Variants in PSTPIP2 observed in about 807,000 individuals in gnomAD.
PSTPIP2 encodes proline-serine-threonine phosphatase interacting protein 2.
Under a neutral mutation model 63.3 loss-of-function variants are expected in PSTPIP2, and 33 were observed. That is an observed-to-expected ratio of 0.52 (90% CI 0.40 to 0.70). The LOEUF (loss-of-function observed/expected upper bound fraction) is 0.70, where lower values mean the gene tolerates loss of function less well. PSTPIP2 is among the 30% of genes least tolerant of loss of function. PSTPIP2 has a pLI of 0.00. For synonymous variants in PSTPIP2, 125 were observed against 132.7 expected (o/e 0.94, Z 0.40); for missense variants, 312 against 400.7 (o/e 0.78, Z 1.89).
chr18:45,991,383 C>T (rs1434214649), intron 12 of PSTPIP2, among the ~76,000 whole-genome samples: 1 of 152,204 alleles, frequency 6.6e-6, no homozygotes, highest in African/African-American at 2.4e-5. Context: ...TCTCTTGCAA[C>T]TCTACTCAAC....
At chr18:46,028,458 C>T in intron 2 of PSTPIP2, 3 of 592,216 alleles carry the variant, frequency 5.1e-6, no homozygotes, top group Non-Finnish European at 9.8e-6. Context: ...AGAAGACAAA[C>T]CGGCCGTGGA....
chr18:46,054,258 C>T (rs1165370299), intron 1 of PSTPIP2, among the ~76,000 whole-genome samples: 3 of 152,120 alleles, frequency 2.0e-5, no homozygotes, highest in Non-Finnish European at 2.9e-5. Flanking sequence ...TTGACCAAAA[C>T]GTCATTATGT....
At chr18:46,038,952 C>T (rs1908087686) in intron 2 of PSTPIP2, among the ~76,000 whole-genome samples, 2 of 152,232 alleles carry the variant, frequency 1.3e-5, no homozygotes, top group Admixed American at 1.3e-4. Context: ...GCCTGACCAA[C>T]ATGGAGAAAC....
chr18:46,041,770 T>C (rs1190555617), intron 1 of PSTPIP2, among the ~76,000 whole-genome samples: 2 of 152,118 alleles, frequency 1.3e-5, no homozygotes, highest in African/African-American at 4.8e-5. Flanking sequence ...GGTTGTCTGA[T>C]TCAGACTATA....
At position 46,023,208 on chromosome 18, in the gene PSTPIP2, TC is replaced by T. The variant is rs569048419; in HGVS notation, c.212+1400del. Among the ~76,000 whole-genome samples, 3 of 152,170 alleles carry T rather than the reference TC, an allele frequency of 2.0e-5. No individual in the cohort carries two copies. The South Asian group carries it at 6.2e-4, about 32-fold the overall frequency. ...GCGATGAAATAATATGTACAACAAA[TC>T]CCCATAACACATGTTTACCTATATA... On this transcript the variant is annotated intron_variant, in intron 3 of 14. Transcript: ENST00000409746.
At chr18:45,985,533 A>T in intron 14 of PSTPIP2, 83 bp from the exon 15 acceptor site, 3 of 1,456,250 alleles carry the variant, frequency 2.1e-6, no homozygotes, top group Non-Finnish European at 2.9e-6. Context: ...ATATTCAACA[A>T]GAATAAGGGT....
At chr18:46,060,957 G>T (rs2144131846) in intron 1 of PSTPIP2, among the ~76,000 whole-genome samples, 1 of 152,284 alleles carries the variant, frequency 6.6e-6, no homozygotes, top group Admixed American at 6.5e-5. Context: ...AGATGAAATG[G>T]TCAGTGGTTG....
At chr18:46,059,412 C>G (rs547022439) in intron 1 of PSTPIP2, among the ~76,000 whole-genome samples, 2 of 152,032 alleles carry the variant, frequency 1.3e-5, no homozygotes, top group African/African-American at 2.4e-5. Flanking sequence ...CCACGCCCAG[C>G]TAACTTTTGT....
At chr18:45,996,790 T>A (rs2051599914) in intron 9 of PSTPIP2, among the ~76,000 whole-genome samples, 1 of 151,800 alleles carries the variant, frequency 6.6e-6, no homozygotes, top group East Asian at 1.9e-4. Context: ...AAATAATAAA[T>A]AATTAACAAG....
intron 1 of PSTPIP2, among the ~76,000 whole-genome samples, chr18:46,064,515 G>A (rs1370247955): frequency 1.3e-4 from 18 of 142,454 alleles, no homozygotes; most frequent in African/African-American, 3.9e-4. Flanking sequence ...GACCAGCCTG[G>A]TCTCCAACTC....
intron 5 of PSTPIP2, among the ~76,000 whole-genome samples, chr18:46,009,541 G>A (rs2051772951): frequency 6.6e-6 from 1 of 152,166 alleles, no homozygotes; most frequent in African/African-American, 2.4e-5. Flanking sequence ...CTTAGAGGGT[G>A]GCAGGGGACT....
At chr18:45,991,832 C>T (rs1458054615) in intron 12 of PSTPIP2, 70 bp downstream of exon 12, 1 of 1,409,816 alleles carries the variant, frequency 7.1e-7, no homozygotes, top group African/African-American at 1.4e-5. Flanking sequence ...TCTAACATGT[C>T]TTAGAACATT....
intron 6 of PSTPIP2, among the ~76,000 whole-genome samples, chr18:46,002,500 G>A (rs1194915267): frequency 3.3e-5 from 5 of 152,050 alleles, no homozygotes; most frequent in African/African-American, 1.2e-4. Flanking sequence ...TCTTTCTTCT[G>A]TCTCTTCCAT....
chr18:45,987,388 T>C (rs2051478928), intron 14 of PSTPIP2, among the ~76,000 whole-genome samples: 2 of 152,120 alleles, frequency 1.3e-5, no homozygotes, highest in African/African-American at 4.8e-5. Context: ...GTTGCCTTTC[T>C]CTGTTGACTT....
At chr18:46,026,984 C>A (rs942136407) in intron 2 of PSTPIP2, among the ~76,000 whole-genome samples, 1 of 151,956 alleles carries the variant, frequency 6.6e-6, no homozygotes, top group Non-Finnish European at 1.5e-5. Flanking sequence ...ATGCATGCAA[C>A]AAATAATTTT....
At chr18:46,027,657 T>C (rs1380760368) in intron 2 of PSTPIP2, among the ~76,000 whole-genome samples, 2 of 151,976 alleles carry the variant, frequency 1.3e-5, no homozygotes, top group Non-Finnish European at 2.9e-5. Flanking sequence ...GCCACTGCAC[T>C]CCAGCATGGA....
At chr18:46,037,749 G>T (rs1161902530) in intron 2 of PSTPIP2, among the ~76,000 whole-genome samples, 1 of 152,184 alleles carries the variant, frequency 6.6e-6, no homozygotes, top group African/African-American at 2.4e-5. Flanking sequence ...ACGCTCAGGG[G>T]CTGCATCTCC....
chr18:45,988,841 C>T, intron 13 of PSTPIP2, 82 bp from the exon 14 acceptor site: 1 of 1,157,604 alleles, frequency 8.6e-7, no homozygotes, highest in Non-Finnish European at 1.3e-6. Flanking sequence ...CAGGGCATTT[C>T]ACTTACAGAT....
Position 46,005,484 on chromosome 18 carries a change from G to T in PSTPIP2, c.402C>A (p.Phe134Leu). 1 of 1,600,992 alleles carries T rather than the reference G, an allele frequency of 6.2e-7. No individual in the cohort carries two copies. Among genetic ancestry groups the T allele is most frequent in the Non-Finnish European group, 8.6e-7 (1 of 1,169,310 alleles). The change falls in exon 6 of 15, where the codon TTC becomes TTA. Residue 134 changes from phenylalanine to leucine, a missense_variant. Coordinates refer to ENST00000409746, the MANE Select transcript of PSTPIP2 (RefSeq NM_024430.4). ...TGTGACTCACATCCATGGTTTTCTT[G>T]AATTGTAAGCTCTTTTGTTTATGGA... Reference protein sequence around the residue: ...DAIHKQKSLQFKKTMDAKKNY... With the variant: ...DAIHKQKSLQLKKTMDAKKNY...
Sources: allele counts gnomAD v4.1 joint callset (sites outside exome capture counted in the v4.1 genomes callset), GRCh38; gene constraint gnomAD v4.1.1; transcripts MANE v1.5; gene names NCBI Gene and HGNC (gene_info 2026-07-23, HGNC 2026-07-21).